Variants in FGF1 observed in about 807,000 individuals in gnomAD.
The protein encoded by FGF1 is fibroblast growth factor 1, also known as beta-endothelial cell growth factor.
In FGF1, 9 loss-of-function variants were observed where a neutral mutation model predicts 13.4. That is an observed-to-expected ratio of 0.67 (90% confidence interval 0.40 to 1.17). FGF1 has a LOEUF of 1.17. Ranked by LOEUF, FGF1 falls within the 50% of genes most tolerant of loss-of-function variation. The pLI is 0.01. For synonymous variants in FGF1, 93 were observed against 79.0 expected (o/e 1.18, Z -0.94); for missense variants, 156 against 192.7 (o/e 0.81, Z 1.13).
At chr5:142,657,000 C>T (rs1209356419) in intron 1 of FGF1, among the ~76,000 whole-genome samples, 1 of 152,092 alleles carries the variant, frequency 6.6e-6, no homozygotes, top group South Asian at 2.1e-4. Flanking sequence ...TCACTGCAAC[C>T]TCCACCTCCC....
At chr5:142,600,837 T>C in intron 2 of FGF1, 32 bp from the exon 3 acceptor site, 1 of 1,518,500 alleles carries the variant, frequency 6.6e-7, no homozygotes, top group Middle Eastern at 1.7e-4. Flanking sequence ...CAAAAGTAAA[T>C]AAACACTACG....
chr5:142,664,537 G>A (rs1043922723), intron 1 of FGF1, among the ~76,000 whole-genome samples: 6 of 152,174 alleles, frequency 3.9e-5, no homozygotes, highest in African/African-American at 1.2e-4. Flanking sequence ...GTATTTGAAC[G>A]TCTCTAAAAT....
chr5:142,603,973 G>A (rs937255296), intron 2 of FGF1, among the ~76,000 whole-genome samples: 1 of 152,218 alleles, frequency 6.6e-6, no homozygotes, highest in South Asian at 2.1e-4. Flanking sequence ...CAACACAGAT[G>A]AGTCTGGAAA....
At chr5:142,671,564 C>A (rs1288024571) in intron 1 of FGF1, among the ~76,000 whole-genome samples, 1 of 152,200 alleles carries the variant, frequency 6.6e-6, no homozygotes, top group African/African-American at 2.4e-5. Context: ...AGAAAAAGAG[C>A]TAATTGTCTT....
In FGF1 at chr5:142,682,925, C is replaced by T. The variant is rs545110798; in HGVS notation, c.-35+3032G>A. The stretch of plus-strand genomic sequence containing the variant: ...GCTTATCTTTCCGCTGAGTTGGACA[C>T]GCTAGCCCAGGCCCATTCTCTGTTA... On this transcript the variant is annotated intron_variant, in intron 1 of 3. Transcript: ENST00000337706. 1.7e-4 allele frequency among the ~76,000 whole-genome samples: 26 copies of T among 152,184 alleles called. 1 individual carries two copies. The South Asian group carries it at 4.4e-3, about 26-fold the overall frequency.
chr5:142,660,337 C>T (rs559778051), intron 1 of FGF1, among the ~76,000 whole-genome samples: 1 of 152,336 alleles, frequency 6.6e-6, no homozygotes, highest in African/African-American at 2.4e-5. Flanking sequence ...CAGCATGGAG[C>T]CTTCAGCCTG....
chr5:142,598,082 T>G (rs889896399), intron 3 of FGF1, among the ~76,000 whole-genome samples: 1 of 152,230 alleles, frequency 6.6e-6, no homozygotes, highest in Non-Finnish European at 1.5e-5. Flanking sequence ...TAGAGGAACT[T>G]GGTGCAGACA....
At chr5:142,688,860 A>T (rs1751691075), upstream of FGF1, among the ~76,000 whole-genome samples, 1 of 152,136 alleles carries the variant, frequency 6.6e-6, no homozygotes, top group South Asian at 2.1e-4. Flanking sequence ...GCTATTACAG[A>T]AAGTGGCTCT....
At chr5:142,632,085 T>C (rs538248589) in intron 1 of FGF1, among the ~76,000 whole-genome samples, 174 of 152,270 alleles carry the variant, frequency 1.1e-3, no homozygotes, top group African/African-American at 4.1e-3. Flanking sequence ...CCGGCCTAAT[T>C]TTCTTATTTA....
At chr5:142,600,613 G>T in intron 3 of FGF1, 89 bp downstream of exon 3, 2 of 855,864 alleles carry the variant, frequency 2.3e-6, no homozygotes, top group South Asian at 1.4e-5. Flanking sequence ...ACTAATTGTT[G>T]CTTTATAGTT....
At chr5:142,667,675 A>G (rs1770680071) in intron 1 of FGF1, among the ~76,000 whole-genome samples, 1 of 152,128 alleles carries the variant, frequency 6.6e-6, no homozygotes, top group African/African-American at 2.4e-5. Context: ...GAGAAAGGGA[A>G]GATGACAGGA....
chr5:142,675,145 T>A (rs376571189), intron 1 of FGF1, among the ~76,000 whole-genome samples: 50 of 152,178 alleles, frequency 3.3e-4, no homozygotes, highest in African/African-American at 1.2e-3. Context: ...GGATCCACCC[T>A]GAACCAGCTG....
chr5:142,640,426 T>TTGG (rs1478301505), intron 1 of FGF1, among the ~76,000 whole-genome samples: 4 of 71,016 alleles, frequency 5.6e-5, no homozygotes, highest in South Asian at 5.9e-4. Flanking sequence ...TGGAGTATGG[T>TTGG]GGGGGGGGGG....
chr5:142,666,729 G>A (rs1202991547), intron 1 of FGF1, among the ~76,000 whole-genome samples: 1 of 149,890 alleles, frequency 6.7e-6, no homozygotes, highest in Non-Finnish European at 1.5e-5. Flanking sequence ...CTGAAAGCCA[G>A]GATTTTGAGA....
chr5:142,695,468 G>A (rs969465080), intron 2 of FGF1, among the ~76,000 whole-genome samples: 2 of 151,664 alleles, frequency 1.3e-5, no homozygotes, highest in Non-Finnish European at 2.9e-5. Context: ...TGTAATCCCA[G>A]CTACTTAGGA....
intron 3 of FGF1, among the ~76,000 whole-genome samples, chr5:142,598,384 T>C (rs112123941): frequency 2.8e-4 from 42 of 152,362 alleles, no homozygotes; most frequent in African/African-American, 9.1e-4. Context: ...CTTGGTACAA[T>C]GCTGAAGACA....
At chr5:142,673,120 G>A (rs1401880232) in intron 1 of FGF1, among the ~76,000 whole-genome samples, 2 of 152,166 alleles carry the variant, frequency 1.3e-5, no homozygotes, top group Non-Finnish European at 2.9e-5. Context: ...CTGAAGAGCA[G>A]TAACACAATA....
chr5:142,673,836 G>A (rs917023214), intron 1 of FGF1, among the ~76,000 whole-genome samples: 1 of 152,186 alleles, frequency 6.6e-6, no homozygotes, highest in South Asian at 2.1e-4. Flanking sequence ...CCTGACCCCT[G>A]CTACATCCAA....
intron 1 of FGF1, 48 bp from the exon 2 acceptor site, chr5:142,614,209 CA>C: frequency 6.8e-7 from 1 of 1,478,046 alleles, no homozygotes; most frequent in East Asian, 2.3e-5. Context: ...AGCAAAGGCA[CA>C]AAATGCACTT....
Sources: allele counts gnomAD v4.1 joint callset (sites outside exome capture counted in the v4.1 genomes callset), GRCh38; gene constraint gnomAD v4.1.1; transcripts MANE v1.5; gene names NCBI Gene and HGNC (gene_info 2026-07-23, HGNC 2026-07-21).